Variants in CCBE1 observed in about 807,000 individuals in gnomAD.
CCBE1 encodes the protein collagen and calcium-binding EGF domain-containing protein 1.
In CCBE1, 37 loss-of-function variants were observed where a neutral mutation model predicts 50.0. The observed-to-expected ratio is 0.74, with a 90% CI of 0.57 to 0.97. The LOEUF is 0.97. CCBE1 is among the 50% of genes least tolerant of loss of function. The pLI is 0.00. For missense variants in CCBE1, 538 were observed against 523.8 expected (o/e 1.03, Z -0.26); for synonymous variants, 234 against 203.7 (o/e 1.15, Z -1.27).
chr18:59,556,280 A>G (rs2052656420), intron 2 of CCBE1, among the ~76,000 whole-genome samples: 1 of 152,196 alleles, frequency 6.6e-6, no homozygotes, highest in Admixed American at 6.5e-5. Context: ...GGAGTTGTAG[A>G]CAAATCCTGG....
chr18:59,466,946 C>T, intron 4 of CCBE1, 55 bp from the exon 5 acceptor site: 2 of 1,464,322 alleles, frequency 1.4e-6, no homozygotes, highest in Admixed American at 3.4e-5. Context: ...ACTTCTAATA[C>T]AACAGATGAC....
intron 2 of CCBE1, among the ~76,000 whole-genome samples, chr18:59,576,808 C>T (rs951570866): frequency 6.6e-6 from 1 of 152,228 alleles, no homozygotes; most frequent in African/African-American, 2.4e-5. Flanking sequence ...CCATGCATGT[C>T]TCGCTCAGAC....
rs181400262 is a variant in CCBE1, at chr18:59,514,415, A to G, written c.213-34177T>C. Reference sequence around the variant, plus strand: ...GGCTGTCACTCTGCTTTAATCTGGCACTTTGTTTTCCTGCAGTTCAGCCTT... The same window carrying G: ...GGCTGTCACTCTGCTTTAATCTGGCGCTTTGTTTTCCTGCAGTTCAGCCTT... On this transcript the variant is annotated intron_variant, in intron 2 of 10. Coordinates refer to ENST00000439986, the MANE Select transcript of CCBE1 (RefSeq NM_133459.4). Among the ~76,000 whole-genome samples the G allele has an allele frequency of 1.5e-3, 232 of 151,988 alleles. No homozygotes were observed. The Middle Eastern group carries it at 0.02, about 13-fold the overall frequency.
intron 2 of CCBE1, among the ~76,000 whole-genome samples, chr18:59,515,773 C>A (rs1392500701): frequency 1.3e-5 from 2 of 152,146 alleles, no homozygotes; most frequent in African/African-American, 2.4e-5. Flanking sequence ...GGTTCATTTC[C>A]TGCCTCTGCC....
intron 2 of CCBE1, among the ~76,000 whole-genome samples, chr18:59,665,825 C>T (rs1315672215): frequency 1.3e-5 from 2 of 152,154 alleles, no homozygotes; most frequent in East Asian, 3.9e-4. Flanking sequence ...TGCTTTGCAG[C>T]TATTACTGTC....
At chr18:59,566,124 C>G (rs2052822525) in intron 2 of CCBE1, among the ~76,000 whole-genome samples, 1 of 152,234 alleles carries the variant, frequency 6.6e-6, no homozygotes, top group Non-Finnish European at 1.5e-5. Flanking sequence ...GCAACCGTGG[C>G]TACCAGGGTG....
At chr18:59,465,660 T>C (rs1598923825) in intron 5 of CCBE1, 1 of 152,244 alleles carries the variant, frequency 6.6e-6, no homozygotes, top group Non-Finnish European at 1.5e-5. Context: ...CAGATTGATA[T>C]AAAAATTTTT....
chr18:59,670,716 GGC>G (rs2054419478), intron 2 of CCBE1, among the ~76,000 whole-genome samples: 1 of 152,018 alleles, frequency 6.6e-6, no homozygotes, highest in South Asian at 2.1e-4. Context: ...GGGAGGCCGA[GGC>G]GGGAGGATCA....
chr18:59,674,941 A>G (rs553280796), intron 2 of CCBE1, among the ~76,000 whole-genome samples: 1 of 152,316 alleles, frequency 6.6e-6, no homozygotes, highest in East Asian at 1.9e-4. Context: ...CAAATCCAGC[A>G]TTTAATCATA....
intron 2 of CCBE1, among the ~76,000 whole-genome samples, chr18:59,639,938 G>A (rs578081309): frequency 6.6e-6 from 1 of 152,294 alleles, no homozygotes; most frequent in Admixed American, 6.5e-5. Context: ...GCTGAACAGG[G>A]AGGTGAAAGA....
At chr18:59,482,075 G>A (rs1021582037) in intron 2 of CCBE1, among the ~76,000 whole-genome samples, 1 of 152,132 alleles carries the variant, frequency 6.6e-6, no homozygotes, top group African/African-American at 2.4e-5. Context: ...AGGCCCCAGT[G>A]TATGATGTTC....
chr18:59,530,422 G>T (rs1915002908), intron 2 of CCBE1, among the ~76,000 whole-genome samples: 1 of 152,098 alleles, frequency 6.6e-6, no homozygotes, highest in Non-Finnish European at 1.5e-5. Context: ...TATAATTCTG[G>T]GTTGGTCACA....
chr18:59,670,292 T>A (rs1194486679), intron 2 of CCBE1, among the ~76,000 whole-genome samples: 2 of 152,138 alleles, frequency 1.3e-5, no homozygotes, highest in African/African-American at 4.8e-5. Context: ...AAATGGACAC[T>A]CTTGCAGGAA....
intron 2 of CCBE1, among the ~76,000 whole-genome samples, chr18:59,587,438 TGTATGAAAAAAC>T (rs2053193777): frequency 1.3e-5 from 2 of 151,980 alleles, no homozygotes; most frequent in East Asian, 3.9e-4. Context: ...TCAACAGTCA[TGTATGAAAAAAC>T]GTTTTACCAA....
intron 2 of CCBE1, among the ~76,000 whole-genome samples, chr18:59,493,670 G>C (rs577167802): frequency 6.6e-6 from 1 of 152,246 alleles, no homozygotes; most frequent in South Asian, 2.1e-4. Context: ...TGAACTGCGT[G>C]TTACAGGAGA....
intron 2 of CCBE1, among the ~76,000 whole-genome samples, chr18:59,667,108 G>A (rs761790097): frequency 2.9e-4 from 44 of 151,152 alleles, no homozygotes; most frequent in Admixed American, 9.2e-4. Context: ...ACCCTGTCCC[G>A]ACAAAAAAAA....
At chr18:59,697,696 C>T (rs561577330), upstream of CCBE1, 13 of 236,420 alleles carry the variant, frequency 5.5e-5, no homozygotes, top group South Asian at 2.0e-4. Flanking sequence ...CTTCCCTCTC[C>T]CTCCTCTGGG....
chr18:59,447,937 C>G (rs1260567303), intron 7 of CCBE1, 46 bp downstream of exon 7: 5 of 1,612,702 alleles, frequency 3.1e-6, no homozygotes, highest in Non-Finnish European at 4.2e-6. Context: ...TTTTGGCAGG[C>G]TTTTTCTGTT....
chr18:59,582,214 A>C (rs2053094744), intron 2 of CCBE1, among the ~76,000 whole-genome samples: 1 of 152,096 alleles, frequency 6.6e-6, no homozygotes, highest in South Asian at 2.1e-4. Context: ...TTCTCCTATG[A>C]AGTCTTCACC....
Sources: allele counts gnomAD v4.1 joint callset (sites outside exome capture counted in the v4.1 genomes callset), GRCh38; gene constraint gnomAD v4.1.1; transcripts MANE v1.5; gene names NCBI Gene and HGNC (gene_info 2026-07-23, HGNC 2026-07-21).